The following MAGI1 variants were observed in gnomAD, a reference collection of about 807,000 sequenced individuals.
MAGI1 encodes membrane associated guanylate kinase, WW and PDZ domain containing 1.
MAGI1 carries 58 observed loss-of-function variants against 139.9 expected under a neutral mutation model. The observed-to-expected ratio is 0.41, with a 90% CI of 0.34 to 0.52. The LOEUF (loss-of-function observed/expected upper bound fraction) is 0.52. MAGI1 is among the 20% of genes least tolerant of loss of function. The pLI is 0.12. For missense variants in MAGI1, 1,874 were observed against 1,901.6 expected (o/e 0.99, Z 0.27); for synonymous variants, 812 against 737.9 (o/e 1.10, Z -1.63).
chr3:65,468,998 T>TAC (rs1295805820), intron 5 of MAGI1, among the ~76,000 whole-genome samples: 4 of 151,436 alleles, frequency 2.6e-5, no homozygotes, highest in South Asian at 2.1e-4. Flanking sequence ...AATGTGTGTA[T>TAC]ACACACACAC....
chr3:65,774,417 T>C (rs1006181707), intron 1 of MAGI1, among the ~76,000 whole-genome samples: 3 of 152,218 alleles, frequency 2.0e-5, no homozygotes, highest in Non-Finnish European at 4.4e-5. Context: ...CCCTCTTGGA[T>C]AATTAGTTTC....
intron 2 of MAGI1, among the ~76,000 whole-genome samples, chr3:65,524,082 G>C (rs549000048): frequency 2.0e-5 from 3 of 152,028 alleles, no homozygotes; most frequent in Non-Finnish European, 4.4e-5. Flanking sequence ...AAAATGGGAA[G>C]AGAAAAGGAA....
intron 13 of MAGI1, among the ~76,000 whole-genome samples, chr3:65,392,008 C>T (rs1007983775): frequency 6.6e-6 from 1 of 152,198 alleles, no homozygotes; most frequent in African/African-American, 2.4e-5. Flanking sequence ...CACTTCACCT[C>T]TTAAACTGCC....
chr3:65,530,286 A>T (rs576738080), intron 2 of MAGI1, among the ~76,000 whole-genome samples: 2 of 152,154 alleles, frequency 1.3e-5, no homozygotes, highest in East Asian at 3.9e-4. Flanking sequence ...CATCCATGTC[A>T]CTGAATTAGG....
chr3:66,034,094 T>C (rs955285512), intron 1 of MAGI1, among the ~76,000 whole-genome samples: 10 of 152,326 alleles, frequency 6.6e-5, no homozygotes, highest in Middle Eastern at 3.4e-3. Context: ...AATCCCTTAA[T>C]AAGCCCATCA....
At chr3:65,760,967 A>G (rs264084) in intron 1 of MAGI1, among the ~76,000 whole-genome samples, 89,111 of 151,980 alleles carry the variant, frequency 0.59, 26,727 homozygotes, top group Middle Eastern at 0.73. Flanking sequence ...TTTGCATGCA[A>G]TGAGCTTGTT....
intron 1 of MAGI1, among the ~76,000 whole-genome samples, chr3:65,691,085 A>G (rs1242935340): frequency 6.6e-6 from 1 of 152,032 alleles, no homozygotes; most frequent in East Asian, 1.9e-4. Context: ...GGCGGATCAC[A>G]AGGTCAGGAG....
intron 1 of MAGI1, among the ~76,000 whole-genome samples, chr3:65,930,906 T>C (rs901280719): frequency 1.1e-4 from 16 of 152,170 alleles, no homozygotes; most frequent in African/African-American, 3.9e-4. Flanking sequence ...CCCGCCCCTT[T>C]CCTGGAAAAC....
At chr3:65,509,574 C>T (rs1474363447) in intron 2 of MAGI1, among the ~76,000 whole-genome samples, 1 of 152,200 alleles carries the variant, frequency 6.6e-6, no homozygotes, top group African/African-American at 2.4e-5. Context: ...GTCACTCCCA[C>T]CCGAATATTT....
chr3:65,630,338 G>C (rs1028853994), intron 1 of MAGI1, among the ~76,000 whole-genome samples: 2 of 152,130 alleles, frequency 1.3e-5, no homozygotes, highest in African/African-American at 4.8e-5. Context: ...GGCTAGCTAG[G>C]TCTGCAAAGT....
At chr3:65,694,276 G>A (rs533205641) in intron 1 of MAGI1, among the ~76,000 whole-genome samples, 13 of 152,126 alleles carry the variant, frequency 8.5e-5, no homozygotes, top group Non-Finnish European at 1.3e-4. Flanking sequence ...TACTTAAGAA[G>A]TGTCATACAC....
intron 1 of MAGI1, among the ~76,000 whole-genome samples, chr3:65,634,473 G>A (rs1330668978): frequency 6.6e-6 from 1 of 152,148 alleles, no homozygotes; most frequent in South Asian, 2.1e-4. Context: ...AACTTCAAGC[G>A]AGGCTTGATT....
intron 1 of MAGI1, among the ~76,000 whole-genome samples, chr3:66,012,574 T>C (rs564733846): frequency 1.3e-5 from 2 of 152,268 alleles, no homozygotes; most frequent in African/African-American, 2.4e-5. Flanking sequence ...GAGACCAGCC[T>C]GGCCAACATG....
intron 1 of MAGI1, among the ~76,000 whole-genome samples, chr3:65,682,437 A>G (rs2087658645): frequency 6.6e-6 from 1 of 152,210 alleles, no homozygotes; most frequent in African/African-American, 2.4e-5. Flanking sequence ...ATTCTTGATA[A>G]AAGTTCAAAA....
chr3:65,758,976 C>G (rs1026058734), intron 1 of MAGI1, among the ~76,000 whole-genome samples: 1 of 146,558 alleles, frequency 6.8e-6, no homozygotes, highest in African/African-American at 2.5e-5. Flanking sequence ...AATGTTAAAT[C>G]CATCTAATCC....
intron 5 of MAGI1, among the ~76,000 whole-genome samples, chr3:65,457,167 T>C (rs1949455267): frequency 6.6e-6 from 1 of 152,116 alleles, no homozygotes; most frequent in African/African-American, 2.4e-5. Context: ...TGAGTCTTCC[T>C]GTATGTCCAC....
intron 1 of MAGI1, among the ~76,000 whole-genome samples, chr3:65,840,011 T>A (rs2058752480): frequency 1.3e-5 from 2 of 152,210 alleles, no homozygotes; most frequent in African/African-American, 4.8e-5. Context: ...TAAGTATACC[T>A]TTTTGTGGAA....
At chr3:66,030,951 A>C (rs896352327) in intron 1 of MAGI1, among the ~76,000 whole-genome samples, 5 of 152,240 alleles carry the variant, frequency 3.3e-5, no homozygotes, top group African/African-American at 9.6e-5. Flanking sequence ...TAGACCCTCC[A>C]CAGGACACTT....
At chr3:65,690,864 C>A (rs2088567338) in intron 1 of MAGI1, among the ~76,000 whole-genome samples, 1 of 136,908 alleles carries the variant, frequency 7.3e-6, no homozygotes, top group South Asian at 2.6e-4. Flanking sequence ...CTATGAAATA[C>A]CATGATATAA....
Sources: gnomAD v4.1 joint callset for allele counts (sites outside exome capture counted in the v4.1 genomes callset) on GRCh38, gnomAD v4.1.1 for gene constraint, MANE v1.5 for transcripts, NCBI Gene and HGNC (gene_info 2026-07-23, HGNC 2026-07-21) for gene names.